Variants in KYNU observed in about 807,000 individuals in gnomAD.
KYNU encodes L-kynurenine hydrolase.
Under a neutral mutation model 59.2 loss-of-function variants are expected in KYNU, and 54 were observed. That is an observed-to-expected ratio of 0.91 (90% CI 0.73 to 1.14). The LOEUF is 1.14. KYNU is among the 50% of genes most tolerant of loss of function. KYNU has a pLI of 0.00. For missense variants in KYNU, 567 were observed against 554.4 expected (o/e 1.02, Z -0.23); for synonymous variants, 177 against 192.0 (o/e 0.92, Z 0.65).
intron 8 of KYNU, among the ~76,000 whole-genome samples, chr2:142,966,382 T>A (rs551998904): frequency 1.3e-5 from 2 of 152,324 alleles, no homozygotes; most frequent in Non-Finnish European, 2.9e-5. Flanking sequence ...GTCAAAGGAA[T>A]GCACACTAAC....
Position 143,048,217 on chromosome 2 carries a change from G to A in KYNU, c.*6045G>A, listed in dbSNP as rs1687200148. 6.6e-6 allele frequency: 1 copy of A among 152,022 alleles called. No individual in the cohort carries two copies. Among genetic ancestry groups the A allele is most frequent in the African/African-American group, 2.4e-5 (1 of 41,380 alleles). 9.4% of individuals were successfully genotyped at this position (152,022 alleles called of 1,614,324 possible). A position where few individuals can be genotyped will look rare whatever the true frequency, so the allele number is the denominator to read the frequency against. Reference sequence around the variant, plus strand: ...TGGATTTAGGGATGTGTGTGTGGAGGTGTATTGAGTCCGTTTTTTCTTTCT... The same window carrying A: ...TGGATTTAGGGATGTGTGTGTGGAGATGTATTGAGTCCGTTTTTTCTTTCT... On this transcript the variant is annotated 3_prime_UTR_variant, in exon 14 of 14. Coordinates refer to ENST00000264170, the MANE Select transcript of KYNU (RefSeq NM_003937.3).
chr2:142,957,831 A>G (rs879005612), intron 7 of KYNU, 116 bp downstream of exon 7: 13 of 703,518 alleles, frequency 1.8e-5, no homozygotes, highest in South Asian at 1.6e-4. Context: ...TCAAGAAAGC[A>G]TGAAGGACCT....
chr2:142,924,182 G>A (rs570983512), intron 3 of KYNU, among the ~76,000 whole-genome samples: 2 of 152,058 alleles, frequency 1.3e-5, no homozygotes, highest in Admixed American at 1.3e-4. Flanking sequence ...ATAGCTCACT[G>A]CAGCCTTAAA....
intron 11 of KYNU, among the ~76,000 whole-genome samples, chr2:143,031,999 C>T (rs918387231): frequency 2.0e-5 from 3 of 151,920 alleles, no homozygotes; most frequent in African/African-American, 7.3e-5. Context: ...TGTTTTTGGC[C>T]GGGCGTGGTG....
chr2:142,954,718 T>C, intron 4 of KYNU, 92 bp from the exon 5 acceptor site: 1 of 837,592 alleles, frequency 1.2e-6, no homozygotes, highest in Non-Finnish European at 2.1e-6. Context: ...CTAAAGACAT[T>C]AAGAATGATT....
intron 10 of KYNU, among the ~76,000 whole-genome samples, chr2:143,023,736 G>A (rs1289839027): frequency 6.6e-6 from 1 of 150,574 alleles, no homozygotes; most frequent in Non-Finnish European, 1.5e-5. Context: ...AGAACTAATA[G>A]AATAAAGAAA....
At chr2:142,914,791 T>C (rs1360270947) in intron 2 of KYNU, among the ~76,000 whole-genome samples, 1 of 152,252 alleles carries the variant, frequency 6.6e-6, no homozygotes, top group African/African-American at 2.4e-5. Flanking sequence ...GTGTGTGTTC[T>C]GACTGTGCTA....
At chr2:142,934,411 G>T (rs956448134) in intron 4 of KYNU, among the ~76,000 whole-genome samples, 1 of 152,258 alleles carries the variant, frequency 6.6e-6, no homozygotes, top group South Asian at 2.1e-4. Context: ...GGGTTGGTGC[G>T]TTGGGTACTA....
chr2:142,919,494 A>C (rs1682794665), intron 3 of KYNU, among the ~76,000 whole-genome samples: 1 of 152,276 alleles, frequency 6.6e-6, no homozygotes, highest in Admixed American at 6.5e-5. Flanking sequence ...CTTGACAGTT[A>C]GGAAAACGTT....
chr2:142,982,113 A>C (rs2105151125), intron 8 of KYNU, among the ~76,000 whole-genome samples: 1 of 152,234 alleles, frequency 6.6e-6, no homozygotes, highest in Non-Finnish European at 1.5e-5. Flanking sequence ...TTAAGTATTT[A>C]CTTCAAAAAC....
At chr2:142,951,105 G>T (rs946968446) in intron 4 of KYNU, among the ~76,000 whole-genome samples, 2 of 152,154 alleles carry the variant, frequency 1.3e-5, no homozygotes, top group African/African-American at 4.8e-5. Flanking sequence ...AAAGATCATT[G>T]ATCACGGAAA....
chr2:142,942,142 A>G (rs1683620591), intron 4 of KYNU, among the ~76,000 whole-genome samples: 1 of 146,908 alleles, frequency 6.8e-6, no homozygotes, highest in Non-Finnish European at 1.5e-5. Context: ...ATGCTGCTGC[A>G]CTACATCCTG....
intron 10 of KYNU, among the ~76,000 whole-genome samples, chr2:143,019,336 A>G (rs1427416344): frequency 6.6e-6 from 1 of 152,284 alleles, no homozygotes; most frequent in Admixed American, 6.5e-5. Context: ...GAGAATATTT[A>G]TTATGAAGGT....
At chr2:142,952,058 T>C (rs1482066061) in intron 4 of KYNU, among the ~76,000 whole-genome samples, 1 of 152,164 alleles carries the variant, frequency 6.6e-6, no homozygotes, top group African/African-American at 2.4e-5. Context: ...AACCAAAATG[T>C]CCAGGAATCT....
chr2:142,956,057 A>T, intron 5 of KYNU, 146 bp from the exon 6 acceptor site: 1 of 530,088 alleles, frequency 1.9e-6, no homozygotes, highest in Non-Finnish European at 3.3e-6. Context: ...TGGCTAATTG[A>T]AAAGGTAGTC....
chr2:143,033,179 T>G, intron 11 of KYNU, 57 bp from the exon 12 acceptor site: 1 of 1,213,030 alleles, frequency 8.2e-7, no homozygotes, highest in South Asian at 1.2e-5. Flanking sequence ...CTCTAGTATC[T>G]TTATGGACAC....
At chr2:142,929,335 T>C (rs546447288) in intron 4 of KYNU, among the ~76,000 whole-genome samples, 3 of 125,060 alleles carry the variant, frequency 2.4e-5, no homozygotes, top group East Asian at 2.3e-4. Flanking sequence ...GGCTCGCTGA[T>C]AGACAAGTGG....
At chr2:143,001,768 A>G (rs352891) in intron 10 of KYNU, among the ~76,000 whole-genome samples, 26,741 of 152,182 alleles carry the variant, frequency 0.18, 2,999 homozygotes, top group African/African-American at 0.31. Flanking sequence ...ACTTTAAGCC[A>G]TACTTTTCTC....
rs142366757 is a variant in KYNU, at chr2:142,974,290, A to C, written c.730-10794A>C. Among the ~76,000 whole-genome samples, 483 of 152,330 alleles carry C rather than the reference A, an allele frequency of 3.2e-3. 4 individuals carry two copies. Among genetic ancestry groups the C allele is most frequent in the African/African-American group, 0.011 (464 of 41,586 alleles). ...AAGGGTATGGTAACCCACATGGTGC[A>C]AGAGAGAAGGAGCAGGTAAGGGAAT... is the stretch of plus-strand genomic sequence containing the variant. On this transcript the variant is annotated intron_variant, in intron 8 of 13. Transcript: ENST00000264170.
Sources: gnomAD v4.1 joint callset for allele counts (sites outside exome capture counted in the v4.1 genomes callset) on GRCh38, gnomAD v4.1.1 for gene constraint, MANE v1.5 for transcripts, NCBI Gene and HGNC (gene_info 2026-07-23, HGNC 2026-07-21) for gene names.